The following PRKCH variants were observed in gnomAD, a reference collection of about 807,000 sequenced individuals.
PRKCH encodes the protein protein kinase C eta.
A neutral mutation model predicts 82.5 loss-of-function variants in PRKCH; 28 were observed. The ratio of observed to expected loss-of-function variants is 0.34; its 90% CI spans 0.25 to 0.47. PRKCH has a LOEUF of 0.47. Ranked by LOEUF, PRKCH falls within the 20% of genes least tolerant of loss-of-function variation. The pLI is 1.00. For synonymous variants in PRKCH, 322 were observed against 327.4 expected, an observed-to-expected ratio of 0.98 and a Z score of 0.18; for missense variants, 705 against 881.8, an observed-to-expected ratio of 0.80 and a Z score of 2.54.
At chr14:61,246,743 T>C (rs61992908) in intron 1 of PRKCH, among the ~76,000 whole-genome samples, 68 of 152,240 alleles carry the variant, frequency 4.5e-4, no homozygotes, top group Non-Finnish European at 8.4e-4. Flanking sequence ...TTTATGTGTG[T>C]GTGTATTTAT....
chr14:61,541,803 T>A (rs955876376), intron 12 of PRKCH, among the ~76,000 whole-genome samples: 3 of 152,240 alleles, frequency 2.0e-5, no homozygotes, highest in Non-Finnish European at 4.4e-5. Flanking sequence ...AGACTCATAA[T>A]GACACAGCGT....
chr14:61,363,166 G>A (rs568204147), intron 1 of PRKCH, among the ~76,000 whole-genome samples: 1 of 152,290 alleles, frequency 6.6e-6, no homozygotes, highest in Admixed American at 6.5e-5. Flanking sequence ...GGGAATCAAG[G>A]ACTATAAAGG....
intron 4 of PRKCH, among the ~76,000 whole-genome samples, chr14:61,447,409 A>G (rs1002496254): frequency 3.3e-5 from 5 of 152,238 alleles, no homozygotes; most frequent in Admixed American, 2.6e-4. Context: ...CAGTAGGGAT[A>G]TAGGTGATCT....
chr14:61,198,980 G>A (rs1047096314), intron 1 of PRKCH, among the ~76,000 whole-genome samples: 1 of 152,170 alleles, frequency 6.6e-6, no homozygotes, highest in South Asian at 2.1e-4. Context: ...AGCTTGCAAG[G>A]CTGAGGGATG....
At chr14:61,264,507 G>A (rs1475695223) in intron 1 of PRKCH, among the ~76,000 whole-genome samples, 1 of 152,184 alleles carries the variant, frequency 6.6e-6, no homozygotes, top group Non-Finnish European at 1.5e-5. Flanking sequence ...GTTGAATTGT[G>A]CCTAGGGCCT....
At chr14:61,326,319 G>A (rs2045696131) in intron 1 of PRKCH, among the ~76,000 whole-genome samples, 1 of 152,134 alleles carries the variant, frequency 6.6e-6, no homozygotes, top group East Asian at 1.9e-4. Flanking sequence ...TAATTATGCT[G>A]AGTGAAAGAA....
intron 1 of PRKCH, chr14:61,278,487 T>C (rs1163677425): frequency 1.3e-5 from 2 of 152,202 alleles, no homozygotes; most frequent in Admixed American, 1.3e-4. Flanking sequence ...TAGAATAAAC[T>C]ATGTAAACTA....
chr14:61,336,526 C>G (rs2045859502), intron 1 of PRKCH, among the ~76,000 whole-genome samples: 1 of 152,180 alleles, frequency 6.6e-6, no homozygotes, highest in African/African-American at 2.4e-5. Flanking sequence ...AGCAGAGGGT[C>G]TGAGTTAGTG....
At chr14:61,243,718 T>C (rs1010913351) in intron 1 of PRKCH, among the ~76,000 whole-genome samples, 1 of 152,220 alleles carries the variant, frequency 6.6e-6, no homozygotes, top group African/African-American at 2.4e-5. Context: ...ATTTGTTATC[T>C]GTAAGGAGTT....
chr14:61,311,065 T>A (rs1426216518), intron 1 of PRKCH, among the ~76,000 whole-genome samples: 3 of 152,212 alleles, frequency 2.0e-5, no homozygotes, highest in Non-Finnish European at 4.4e-5. Context: ...GCCTGGCCCA[T>A]GAAACCAAGT....
intron 10 of PRKCH, among the ~76,000 whole-genome samples, chr14:61,508,849 G>A (rs1453348432): frequency 6.6e-6 from 1 of 152,090 alleles, no homozygotes; most frequent in Non-Finnish European, 1.5e-5. Context: ...TGTATCTTGA[G>A]GAGTGAAGCA....
At chr14:61,517,033 T>C (rs914099956) in intron 10 of PRKCH, among the ~76,000 whole-genome samples, 5 of 152,164 alleles carry the variant, frequency 3.3e-5, no homozygotes, top group African/African-American at 1.2e-4. Flanking sequence ...CTAATGGGGA[T>C]AGCAGGGAAC....
At chr14:61,313,548 T>G (rs1423439954) in intron 1 of PRKCH, among the ~76,000 whole-genome samples, 1 of 152,098 alleles carries the variant, frequency 6.6e-6, no homozygotes, top group African/African-American at 2.4e-5. Flanking sequence ...AGCCTCAACC[T>G]CCTAGACTCA....
intron 1 of PRKCH, among the ~76,000 whole-genome samples, chr14:61,312,378 T>A (rs1296804729): frequency 6.6e-6 from 1 of 152,110 alleles, no homozygotes; most frequent in Admixed American, 6.5e-5. Flanking sequence ...CCAAATAGGG[T>A]CATGATGAAT....
At chr14:61,237,645 G>A (rs558031519) in intron 1 of PRKCH, among the ~76,000 whole-genome samples, 5 of 152,246 alleles carry the variant, frequency 3.3e-5, no homozygotes, top group South Asian at 2.1e-4. Flanking sequence ...TCAATCAATC[G>A]TCAATCGGAA....
intron 1 of PRKCH, among the ~76,000 whole-genome samples, chr14:61,232,886 C>T (rs916831238): frequency 1.2e-4 from 18 of 152,096 alleles, no homozygotes; most frequent in African/African-American, 4.1e-4. Context: ...GGTTGCCAAC[C>T]GTCAGTCAAC....
chr14:61,399,598 TCA>T (rs1202065967), intron 2 of PRKCH, among the ~76,000 whole-genome samples: 1 of 152,350 alleles, frequency 6.6e-6, no homozygotes, highest in African/African-American at 2.4e-5. Flanking sequence ...AAGTTCTCAC[TCA>T]CAGTGAATGA....
At chr14:61,459,110 G>A (rs1184086705) in intron 9 of PRKCH, among the ~76,000 whole-genome samples, 4 of 152,194 alleles carry the variant, frequency 2.6e-5, no homozygotes, top group African/African-American at 9.7e-5. Flanking sequence ...CAATGAAGAG[G>A]GAAAATGGCC....
intron 10 of PRKCH, 26 bp from the exon 11 acceptor site, chr14:61,529,049 C>T (rs952521840): frequency 1.3e-6 from 2 of 1,581,384 alleles, no homozygotes; most frequent in African/African-American, 2.8e-5. Flanking sequence ...GCTGCCCTAT[C>T]TCGTGCTGCT....
Sources: allele counts gnomAD v4.1 joint callset (sites outside exome capture counted in the v4.1 genomes callset), GRCh38; gene constraint gnomAD v4.1.1; transcripts MANE v1.5; gene names NCBI Gene and HGNC (gene_info 2026-07-23, HGNC 2026-07-21).